The following CLDN10 variants were observed in gnomAD, a reference collection of about 807,000 sequenced individuals.
The protein encoded by CLDN10 is claudin 10.
A neutral mutation model predicts 22.9 loss-of-function variants in CLDN10; 15 were observed. The ratio of observed to expected loss-of-function variants is 0.65; its 90% confidence interval spans 0.44 to 1.01. The LOEUF (loss-of-function observed/expected upper bound fraction) is 1.01. Among genes scored for constraint, CLDN10 ranks in the 50% least tolerant of loss-of-function variants. The pLI, the probability that CLDN10 is intolerant of heterozygous loss-of-function variation, is 0.00. For synonymous variants in CLDN10, 114 were observed against 111.4 expected (o/e 1.02, Z -0.15); for missense variants, 247 against 287.8 (o/e 0.86, Z 1.03).
chr13:95,575,520 T>G (rs2043912333), intron 3 of CLDN10, among the ~76,000 whole-genome samples: 1 of 151,986 alleles, frequency 6.6e-6, no homozygotes, highest in Non-Finnish European at 1.5e-5. Flanking sequence ...AAGTATCTTT[T>G]CTGAAACTCC....
chr13:95,462,912 C>G (rs2042547682), intron 1 of CLDN10, among the ~76,000 whole-genome samples: 1 of 152,152 alleles, frequency 6.6e-6, no homozygotes, highest in African/African-American at 2.4e-5. Flanking sequence ...GAAAAACAAT[C>G]TACGGGCTCA....
chr13:95,540,965 G>A (rs534682775), intron 1 of CLDN10, among the ~76,000 whole-genome samples: 144 of 152,388 alleles, frequency 9.4e-4, no homozygotes, highest in Admixed American at 1.6e-3. Flanking sequence ...GGCTTAGGAA[G>A]TGGCTTGCAG....
At chr13:95,471,306 C>A (rs2042628586) in intron 1 of CLDN10, among the ~76,000 whole-genome samples, 1 of 151,544 alleles carries the variant, frequency 6.6e-6, no homozygotes, top group South Asian at 2.1e-4. Context: ...GGGCTTGTCA[C>A]AGAACTCCAA....
chr13:95,542,040 C>T (rs1326696810), intron 1 of CLDN10, among the ~76,000 whole-genome samples: 3 of 152,134 alleles, frequency 2.0e-5, no homozygotes, highest in Admixed American at 6.5e-5. Context: ...ACAATCATTG[C>T]GGAAGATGAA....
intron 1 of CLDN10, among the ~76,000 whole-genome samples, chr13:95,538,599 C>G (rs1414601304): frequency 6.6e-6 from 1 of 152,208 alleles, no homozygotes; most frequent in East Asian, 1.9e-4. Flanking sequence ...TGTGTGTGTT[C>G]GCTCTGAAAT....
chr13:95,459,517 G>A (rs986055671), intron 1 of CLDN10, among the ~76,000 whole-genome samples: 1 of 152,216 alleles, frequency 6.6e-6, no homozygotes, highest in African/African-American at 2.4e-5. Context: ...AACTGCCAAG[G>A]CTTGGGACTT....
At chr13:95,496,047 C>T (rs182210952) in intron 1 of CLDN10, among the ~76,000 whole-genome samples, 7 of 152,310 alleles carry the variant, frequency 4.6e-5, no homozygotes, top group South Asian at 2.1e-4. Context: ...CCAGATGTTC[C>T]GGAATATTTG....
At chr13:95,550,025 A>G (rs758437741), upstream of CLDN10, among the ~76,000 whole-genome samples, 34 of 152,196 alleles carry the variant, frequency 2.2e-4, no homozygotes, top group Non-Finnish European at 3.8e-4. Context: ...ACAGAGCTCA[A>G]CTGGTCAGAG....
chr13:95,551,694 A>C (rs1375689540), upstream of CLDN10, among the ~76,000 whole-genome samples: 1 of 152,220 alleles, frequency 6.6e-6, no homozygotes, highest in Non-Finnish European at 1.5e-5. Context: ...CTGGAAGCTC[A>C]TAACAAAACT....
At chr13:95,451,483 T>C (rs1277522046) in intron 1 of CLDN10, among the ~76,000 whole-genome samples, 1 of 152,186 alleles carries the variant, frequency 6.6e-6, no homozygotes. Context: ...CAGGCTAGGG[T>C]ACAGTGGCAC....
chr13:95,532,381 G>A (rs1174063001), intron 1 of CLDN10, among the ~76,000 whole-genome samples: 1 of 152,102 alleles, frequency 6.6e-6, no homozygotes, highest in East Asian at 1.9e-4. Flanking sequence ...TGGGCAATAA[G>A]CACATGAAAA....
At chr13:95,442,527 T>C (rs2066033) in intron 1 of CLDN10, among the ~76,000 whole-genome samples, 67,309 of 152,116 alleles carry the variant, frequency 0.44, 15,109 homozygotes, top group Middle Eastern at 0.5. Flanking sequence ...CAGTTACTCA[T>C]TAAAGATGTG....
chr13:95,469,485 G>C (rs2042610408), intron 1 of CLDN10, among the ~76,000 whole-genome samples: 1 of 152,232 alleles, frequency 6.6e-6, no homozygotes, highest in Non-Finnish European at 1.5e-5. Flanking sequence ...TAGAGCCACA[G>C]AGGGTTACAG....
At chr13:95,543,702 T>A (rs2043481698) in intron 1 of CLDN10, among the ~76,000 whole-genome samples, 1 of 152,108 alleles carries the variant, frequency 6.6e-6, no homozygotes, top group Non-Finnish European at 1.5e-5. Flanking sequence ...ATGCAGCATG[T>A]TTTTCTATTA....
At chr13:95,488,928 A>G (rs2042836808) in intron 1 of CLDN10, among the ~76,000 whole-genome samples, 1 of 150,220 alleles carries the variant, frequency 6.7e-6, no homozygotes, top group South Asian at 2.1e-4. Context: ...TGCTGGATCA[A>G]ATCATAGTTC....
intron 3 of CLDN10, among the ~76,000 whole-genome samples, chr13:95,571,896 T>A (rs1444522865): frequency 6.6e-6 from 1 of 152,192 alleles, no homozygotes; most frequent in African/African-American, 2.4e-5. Context: ...CTGTTACTAC[T>A]CTTGATTAAA....
chr13:95,567,717 C>T (rs2138672181), intron 3 of CLDN10, among the ~76,000 whole-genome samples: 1 of 152,300 alleles, frequency 6.6e-6, no homozygotes, highest in South Asian at 2.1e-4. Context: ...AAAGGGAATG[C>T]TTCCAGGTTT....
chr13:95,549,259 C>T (rs4771921), upstream of CLDN10, among the ~76,000 whole-genome samples: 42,588 of 152,072 alleles, frequency 0.28, 7,155 homozygotes, highest in Non-Finnish European at 0.37. Context: ...TTGATGTATT[C>T]ACTTTTATAT....
upstream of CLDN10, among the ~76,000 whole-genome samples, chr13:95,548,287 C>T (rs1244023244): frequency 3.3e-5 from 5 of 152,182 alleles, no homozygotes; most frequent in African/African-American, 1.2e-4. Flanking sequence ...CCCTCCCCTT[C>T]AGGGGCTCAA....
Sources: allele counts gnomAD v4.1 joint callset (sites outside exome capture counted in the v4.1 genomes callset), GRCh38; gene constraint gnomAD v4.1.1; transcripts MANE v1.5; gene names NCBI Gene and HGNC (gene_info 2026-07-23, HGNC 2026-07-21).